Variants in AKT3 observed in about 807,000 individuals in gnomAD.
AKT3 encodes the protein AKT serine/threonine kinase 3.
A neutral mutation model predicts 65.3 loss-of-function variants in AKT3; 15 were observed. The ratio of observed to expected loss-of-function variants is 0.23; its 90% CI spans 0.15 to 0.35. AKT3 has a LOEUF of 0.35. Among genes scored for constraint, AKT3 ranks in the 10% least tolerant of loss-of-function variants. AKT3 has a pLI of 1.00. For missense variants in AKT3, 243 were observed against 576.5 expected (o/e 0.42, Z 5.92); for synonymous variants, 206 against 183.8 (o/e 1.12, Z -0.98).
chr1:243,531,665 A>ATAAGAT (rs776641434), intron 12 of AKT3, among the ~76,000 whole-genome samples: 4 of 152,170 alleles, frequency 2.6e-5, no homozygotes, highest in Non-Finnish European at 5.9e-5. Context: ...GTATTCTACC[A>ATAAGAT]TAAGATTAAG....
intron 12 of AKT3, among the ~76,000 whole-genome samples, chr1:243,543,897 A>G (rs1407708947): frequency 6.6e-6 from 1 of 152,180 alleles, no homozygotes; most frequent in African/African-American, 2.4e-5. Context: ...ACAGAAAATC[A>G]CCATACTCCC....
intron 3 of AKT3, among the ~76,000 whole-genome samples, chr1:243,682,299 A>C (rs1683980064): frequency 6.6e-6 from 1 of 152,084 alleles, no homozygotes; most frequent in Non-Finnish European, 1.5e-5. Context: ...TTCCCTACAT[A>C]CAAGAAGGCA....
chr1:243,794,830 G>A (rs1163231555), intron 2 of AKT3, among the ~76,000 whole-genome samples: 1 of 152,126 alleles, frequency 6.6e-6, no homozygotes, highest in African/African-American at 2.4e-5. Flanking sequence ...ACCAGTTTTT[G>A]CACAACTACC....
At chr1:243,582,938 C>CA (rs1383034510) in intron 8 of AKT3, among the ~76,000 whole-genome samples, 1 of 146,702 alleles carries the variant, frequency 6.8e-6, no homozygotes, top group Non-Finnish European at 1.5e-5. Flanking sequence ...TAATGGAAAA[C>CA]AAAAAAGAGC....
chr1:243,675,583 G>C (rs988214119), intron 3 of AKT3, among the ~76,000 whole-genome samples: 1 of 152,130 alleles, frequency 6.6e-6, no homozygotes, highest in Non-Finnish European at 1.5e-5. Context: ...CGTTTTGCTG[G>C]TAAATCACTC....
intron 8 of AKT3, among the ~76,000 whole-genome samples, chr1:243,600,841 G>GA (rs1169574627): frequency 6.6e-6 from 1 of 152,112 alleles, no homozygotes; most frequent in African/African-American, 2.4e-5. Context: ...AATCATAAGA[G>GA]AAAATAATCA....
At chr1:243,791,019 G>A (rs1488249163) in intron 2 of AKT3, among the ~76,000 whole-genome samples, 1 of 152,170 alleles carries the variant, frequency 6.6e-6, no homozygotes, top group Non-Finnish European at 1.5e-5. Flanking sequence ...TACCCAAAAT[G>A]TGACACAGAG....
At chr1:243,625,436 T>C (rs1679090394) in intron 6 of AKT3, among the ~76,000 whole-genome samples, 1 of 152,114 alleles carries the variant, frequency 6.6e-6, no homozygotes, top group Admixed American at 6.5e-5. Flanking sequence ...CCTGGCCCAG[T>C]CTGCTGTATT....
intron 5 of AKT3, among the ~76,000 whole-genome samples, chr1:243,641,663 T>C (rs2147827884): frequency 6.6e-6 from 1 of 152,212 alleles, no homozygotes; most frequent in South Asian, 2.1e-4. Context: ...TGGCTGGGCG[T>C]GGTGGCTCAC....
intron 4 of AKT3, among the ~76,000 whole-genome samples, chr1:243,660,400 T>A (rs997531486): frequency 2.6e-5 from 4 of 152,080 alleles, no homozygotes; most frequent in African/African-American, 7.2e-5. Context: ...GCAAGGCTGG[T>A]TCAATATACG....
intron 6 of AKT3, chr1:243,624,741 TATAAA>T (rs898683163): frequency 2.7e-4 from 54 of 199,726 alleles, no homozygotes; most frequent in African/African-American, 1.2e-3. Context: ...TAATTTCTCT[TATAAA>T]ATATGTTTCT....
At position 243,615,179 on chromosome 1, in the gene AKT3, C is replaced by G. The variant is rs756784278; in HGVS notation, c.562-18G>C. The G allele has an allele frequency of 5.0e-6, 8 of 1,586,944 alleles. No individual in the cohort carries two copies. The highest frequency in any genetic ancestry group is 6.9e-6 in the Non-Finnish European group (8 of 1,160,390). On this transcript the variant is annotated intron_variant, in intron 6 of 13. Transcript: ENST00000673466. The stretch of plus-strand genomic sequence containing the variant: ...ACTTCATCCTACAAAAGAAAAAAAG[C>G]AAACCTTCAATATATGTTTTGAGCA...
At position 243,744,611 on chromosome 1, in the gene AKT3, C is replaced by T. The variant is rs796376361; in HGVS notation, c.47-48895G>A. ...AAAATTAGCCGGGCGTAGTGGCGGG[C>T]GCCTGTAGTCCCAGCTACTTGGGAG... On this transcript the variant is annotated intron_variant, in intron 2 of 13. Coordinates refer to ENST00000673466, the MANE Select transcript of AKT3 (RefSeq NM_005465.7). Among the ~76,000 whole-genome samples the T allele has an allele frequency of 5.0e-3, 753 of 150,488 alleles. 5 individuals are homozygous for T. Among genetic ancestry groups the T allele is most frequent in the African/African-American group, 0.017 (708 of 41,288 alleles).
At position 243,666,333 on chromosome 1, in the gene AKT3, CTG is replaced by C. The variant is rs1015634456; in HGVS notation, c.173-1452_173-1451del. 3.7e-4 allele frequency among the ~76,000 whole-genome samples: 57 copies of C among 152,258 alleles called. 1 individual carries two copies. Among genetic ancestry groups the C allele is most frequent in the African/African-American group, 1.3e-3 (53 of 41,554 alleles). ...ATTAGCTCTTTATTGGCCCTTTACA[CTG>C]AGAGAAATCATTCACCCAAGGGTCT... On this transcript the variant is annotated intron_variant, in intron 3 of 13. Transcript: ENST00000673466.
chr1:243,688,014 G>GA (rs984634574), intron 3 of AKT3: 28 of 151,882 alleles, frequency 1.8e-4, no homozygotes, highest in African/African-American at 6.3e-4. Flanking sequence ...ATAGCATAAA[G>GA]AAAAAAACAA....
chr1:243,605,641 C>T (rs1017546843), intron 8 of AKT3, among the ~76,000 whole-genome samples: 4 of 152,222 alleles, frequency 2.6e-5, no homozygotes, highest in African/African-American at 9.6e-5. Context: ...TGATGAAATT[C>T]CATTGTACCA....
intron 5 of AKT3, among the ~76,000 whole-genome samples, chr1:243,640,324 C>A (rs1383118429): frequency 6.6e-6 from 1 of 152,152 alleles, no homozygotes; most frequent in Non-Finnish European, 1.5e-5. Flanking sequence ...AGGTAGTCTG[C>A]AAAGATGGCT....
At chr1:243,814,270 G>A (rs764253674) in intron 2 of AKT3, among the ~76,000 whole-genome samples, 6 of 152,118 alleles carry the variant, frequency 3.9e-5, no homozygotes, top group South Asian at 2.1e-4. Flanking sequence ...TAAATTGATA[G>A]AGGGGCTTAT....
At chr1:243,686,070 G>A (rs190685480) in intron 3 of AKT3, among the ~76,000 whole-genome samples, 13 of 152,172 alleles carry the variant, frequency 8.5e-5, no homozygotes, top group South Asian at 6.2e-4. Flanking sequence ...ACCTCTTCAC[G>A]GAAGGCTACA....
Sources: gnomAD v4.1 joint callset for allele counts (sites outside exome capture counted in the v4.1 genomes callset) on GRCh38, gnomAD v4.1.1 for gene constraint, MANE v1.5 for transcripts, NCBI Gene and HGNC (gene_info 2026-07-23, HGNC 2026-07-21) for gene names.